RXRA: variants seen among roughly 807,000 people sequenced by gnomAD.
RXRA encodes the protein retinoid X receptor alpha, also known as retinoic acid receptor RXR-alpha.
RXRA carries 5 observed loss-of-function variants against 44.5 expected under a neutral mutation model. That is an observed-to-expected ratio of 0.11 (90% CI 0.06 to 0.24). The LOEUF (loss-of-function observed/expected upper bound fraction) is 0.24. Among genes scored for constraint, RXRA ranks in the 10% least tolerant of loss-of-function variants. RXRA has a pLI of 1.00. For missense variants in RXRA, 412 were observed against 646.5 expected (o/e 0.64, Z 3.93); for synonymous variants, 291 against 271.4 (o/e 1.07, Z -0.71).
chr9:134,355,292 C>T (rs537874460), intron 1 of RXRA, among the ~76,000 whole-genome samples: 27 of 152,274 alleles, frequency 1.8e-4, no homozygotes, highest in Non-Finnish European at 3.5e-4. Flanking sequence ...TGTCTCTTTG[C>T]GCTCCCCGGC....
chr9:134,390,227 G>C (rs543153569), intron 1 of RXRA, among the ~76,000 whole-genome samples: 1 of 152,192 alleles, frequency 6.6e-6, no homozygotes, highest in East Asian at 1.9e-4. Context: ...ACACACAGTG[G>C]GTAGGGGCCC....
intron 9 of RXRA, among the ~76,000 whole-genome samples, chr9:134,435,547 C>G (rs1564301063): frequency 1.3e-5 from 2 of 152,202 alleles, no homozygotes; most frequent in Non-Finnish European, 2.9e-5. Context: ...TGGCCCTGGT[C>G]TGGGGCCCAC....
Position 134,434,600 on chromosome 9 carries a change from T to C in RXRA, c.1241+393T>C, listed in dbSNP as rs1028558068. Among the ~76,000 whole-genome samples, 4 of 152,144 alleles carry C rather than the reference T, an allele frequency of 2.6e-5. No homozygotes were observed. The East Asian group carries it at 7.7e-4, about 29-fold the overall frequency. ...GAATGGATGGCCAGATGCCCACACATACTAAACACTCTCTACAAGTGTGTA... is the reference window on the plus strand; with the variant it reads ...GAATGGATGGCCAGATGCCCACACACACTAAACACTCTCTACAAGTGTGTA... On this transcript the variant is annotated intron_variant, in intron 9 of 9. Coordinates refer to ENST00000481739, the MANE Select transcript of RXRA (RefSeq NM_002957.6).
chr9:134,354,045 C>T (rs979017069), intron 1 of RXRA, among the ~76,000 whole-genome samples: 3 of 152,178 alleles, frequency 2.0e-5, no homozygotes, highest in Admixed American at 6.5e-5. Flanking sequence ...GCCTAGACTT[C>T]ACTGTTGCCA....
intron 1 of RXRA, among the ~76,000 whole-genome samples, chr9:134,361,537 A>G (rs1830352028): frequency 1.3e-5 from 2 of 152,126 alleles, no homozygotes; most frequent in Non-Finnish European, 2.9e-5. Flanking sequence ...ATGGGCACTG[A>G]GGTGTTGCGT....
chr9:134,429,892 C>CA (rs1554756744), intron 7 of RXRA, among the ~76,000 whole-genome samples: 1 of 147,390 alleles, frequency 6.8e-6, no homozygotes, highest in Non-Finnish European at 1.5e-5. Flanking sequence ...TCTGCACAGC[C>CA]TTTTTTTTTT....
Position 134,394,658 on chromosome 9 carries a change from C to T in RXRA, c.29-6974C>T, listed in dbSNP as rs185681525. Among the ~76,000 whole-genome samples, 169 of 152,310 alleles carry T rather than the reference C, an allele frequency of 1.1e-3. 2 individuals carry two copies. Among genetic ancestry groups the T allele is most frequent in the Non-Finnish European group, 1.5e-3 (101 of 68,010 alleles). On this transcript the variant is annotated intron_variant, in intron 1 of 9. Transcript: ENST00000481739. ...CCTGGCCAGCTGCACTTGCACGCTA[C>T]GTGCCTCAGGGGCCAGAGGCCTCAG...
intron 1 of RXRA, among the ~76,000 whole-genome samples, chr9:134,358,916 G>C (rs533377792): frequency 6.6e-6 from 1 of 152,316 alleles, no homozygotes; most frequent in African/African-American, 2.4e-5. Flanking sequence ...GGCAGGCGGA[G>C]CTCTGGGGCC....
intron 1 of RXRA, among the ~76,000 whole-genome samples, chr9:134,335,704 C>T (rs1829991763): frequency 1.3e-5 from 2 of 152,296 alleles, no homozygotes; most frequent in African/African-American, 4.8e-5. Context: ...GCCTGATGTC[C>T]CCTCTCCTTC....
At chr9:134,359,481 C>T (rs749889123) in intron 1 of RXRA, among the ~76,000 whole-genome samples, 7 of 152,178 alleles carry the variant, frequency 4.6e-5, no homozygotes, top group Admixed American at 1.3e-4. Context: ...GCCCTCACCT[C>T]GGTGTGAACA....
intron 7 of RXRA, 150 bp from the exon 8 acceptor site, chr9:134,431,755 G>A (rs916774061): frequency 2.4e-5 from 14 of 587,138 alleles, no homozygotes; most frequent in African/African-American, 2.3e-4. Flanking sequence ...ACTCCCTCTC[G>A]GGGTGTCTGG....
intron 1 of RXRA, among the ~76,000 whole-genome samples, chr9:134,387,851 G>A (rs1363285857): frequency 6.6e-6 from 1 of 152,158 alleles, no homozygotes; most frequent in Admixed American, 6.5e-5. Flanking sequence ...GGGCTGTCTG[G>A]AGTGATCGTG....
chr9:134,398,538 C>G (rs1373567900), intron 1 of RXRA, among the ~76,000 whole-genome samples: 2 of 152,266 alleles, frequency 1.3e-5, no homozygotes, highest in Non-Finnish European at 2.9e-5. Flanking sequence ...TGGACGGAGT[C>G]TGTGTAAACA....
chr9:134,410,709 G>A (rs189660795), intron 4 of RXRA, among the ~76,000 whole-genome samples: 56 of 152,308 alleles, frequency 3.7e-4, no homozygotes, highest in African/African-American at 1.3e-3. Context: ...CTGGAGCTGG[G>A]GGGGGAAGGC....
chr9:134,390,846 G>A (rs1830789588), intron 1 of RXRA, among the ~76,000 whole-genome samples: 1 of 152,220 alleles, frequency 6.6e-6, no homozygotes, highest in Non-Finnish European at 1.5e-5. Context: ...GCTCAGGTGC[G>A]TGGGTGGTAA....
intron 1 of RXRA, among the ~76,000 whole-genome samples, chr9:134,396,420 G>A (rs1310840739): frequency 2.0e-5 from 3 of 152,108 alleles, no homozygotes; most frequent in East Asian, 1.9e-4. Flanking sequence ...GAGGCCAGGG[G>A]AAGCAGTACT....
chr9:134,361,576 G>A (rs1302938923), intron 1 of RXRA, among the ~76,000 whole-genome samples: 5 of 152,232 alleles, frequency 3.3e-5, no homozygotes, highest in Admixed American at 6.5e-5. Flanking sequence ...TCCAACGTGC[G>A]TGATTCATCA....
intron 1 of RXRA, among the ~76,000 whole-genome samples, chr9:134,379,047 G>A (rs1256084878): frequency 6.6e-6 from 1 of 152,194 alleles, no homozygotes; most frequent in Non-Finnish European, 1.5e-5. Flanking sequence ...GTCAGCAAAT[G>A]CAGCTCCTGC....
Position 134,438,842 on chromosome 9 carries a change from C to CGCTGGCTGGCTG in RXRA, c.*2241_*2252dup, listed in dbSNP as rs55645907. The stretch of plus-strand genomic sequence containing the variant: ...TTCTTGGGAACTTTGTCGTTTCCGG[C>CGCTGGCTGGCTG]GCTGGCTGGCTGGCTGGCTGGCTGT... On this transcript the variant is annotated 3_prime_UTR_variant, in exon 10 of 10. Coordinates refer to ENST00000481739, the MANE Select transcript of RXRA (RefSeq NM_002957.6). The CGCTGGCTGGCTG allele has an allele frequency of 2.0e-5, 3 of 151,900 alleles. No individual in the cohort carries two copies. The highest frequency in any genetic ancestry group is 2.0e-4 in the Admixed American group (3 of 15,256). 9.4% of individuals were successfully genotyped at this position (151,900 alleles called of 1,614,324 possible). A position where few individuals can be genotyped will look rare whatever the true frequency, so the allele number is the denominator to read the frequency against.
Sources: allele counts gnomAD v4.1 joint callset (sites outside exome capture counted in the v4.1 genomes callset), GRCh38; gene constraint gnomAD v4.1.1; transcripts MANE v1.5; gene names NCBI Gene and HGNC (gene_info 2026-07-23, HGNC 2026-07-21).